Variants in FGF14 observed in about 807,000 individuals in gnomAD.
FGF14 encodes the protein fibroblast growth factor 14, also known as fibroblast growth factor homologous factor 4.
FGF14 carries 5 observed loss-of-function variants against 25.5 expected under a neutral mutation model. The observed-to-expected ratio is 0.20, with a 90% CI of 0.10 to 0.41. FGF14 has a LOEUF of 0.41. Ranked by LOEUF, FGF14 falls within the 10% of genes least tolerant of loss-of-function variation. The probability of loss-of-function intolerance (pLI) is 1.00; values close to 1 mark genes in which losing one functional copy is unlikely to be tolerated. For missense variants in FGF14, 222 were observed against 320.1 expected (o/e 0.69, Z 2.34); for synonymous variants, 138 against 118.3 (o/e 1.17, Z -1.08).
intron 3 of FGF14, among the ~76,000 whole-genome samples, chr13:101,801,281 A>G (rs2040852408): frequency 6.6e-6 from 1 of 152,196 alleles, no homozygotes; most frequent in African/African-American, 2.4e-5. Flanking sequence ...CTGCGTTTGG[A>G]AAATATGATC....
chr13:102,033,494 C>T (rs1222564416), intron 1 of FGF14, among the ~76,000 whole-genome samples: 3 of 142,762 alleles, frequency 2.1e-5, no homozygotes, highest in African/African-American at 9.2e-5. Context: ...CTTGCGTGTG[C>T]ACGCACACAC....
intron 3 of FGF14, chr13:101,801,935 G>A (rs1201114668): frequency 2.2e-6 from 1 of 454,774 alleles, no homozygotes; most frequent in Non-Finnish European, 4.3e-6. Context: ...TGCTCTCTTT[G>A]TGCAGATGTG....
At chr13:102,069,785 C>T (rs959542697) in intron 1 of FGF14, among the ~76,000 whole-genome samples, 1 of 142,280 alleles carries the variant, frequency 7.0e-6, no homozygotes, top group Non-Finnish European at 1.5e-5. Flanking sequence ...CGAGGGTCTG[C>T]GGCTTCATTC....
chr13:102,311,914 C>T (rs2055787671), intron 1 of FGF14, among the ~76,000 whole-genome samples: 2 of 152,312 alleles, frequency 1.3e-5, no homozygotes, highest in Admixed American at 6.5e-5. Flanking sequence ...AAATGAGTAT[C>T]TCAATGTTAC....
intron 3 of FGF14, among the ~76,000 whole-genome samples, chr13:101,863,035 G>T (rs2044504885): frequency 6.6e-6 from 1 of 152,014 alleles, no homozygotes; most frequent in Admixed American, 6.6e-5. Flanking sequence ...ATACATATGA[G>T]AATTATATAT....
At chr13:102,331,805 A>C (rs1594873775) in intron 1 of FGF14, among the ~76,000 whole-genome samples, 1 of 152,200 alleles carries the variant, frequency 6.6e-6, no homozygotes, top group African/African-American at 2.4e-5. Context: ...TTACAATATA[A>C]ATGAGAAAAG....
chr13:102,221,769 C>A (rs2050624156), intron 1 of FGF14, among the ~76,000 whole-genome samples: 1 of 152,108 alleles, frequency 6.6e-6, no homozygotes, highest in Non-Finnish European at 1.5e-5. Flanking sequence ...AAACATTTGT[C>A]AAATTTTTAA....
intron 3 of FGF14, among the ~76,000 whole-genome samples, chr13:101,864,953 TG>T (rs767537558): frequency 2.0e-5 from 3 of 152,118 alleles, no homozygotes; most frequent in Non-Finnish European, 2.9e-5. Context: ...TCATGTAATC[TG>T]ACAGATGAGG....
At chr13:102,218,639 AGCT>A (rs1266341600) in intron 1 of FGF14, among the ~76,000 whole-genome samples, 98 of 152,136 alleles carry the variant, frequency 6.4e-4, no homozygotes, top group African/African-American at 2.3e-3. Context: ...CACCAAATTA[AGCT>A]AGGGTGCCAT....
intron 1 of FGF14, among the ~76,000 whole-genome samples, chr13:102,092,431 A>C (rs1323758429): frequency 6.6e-6 from 1 of 152,158 alleles, no homozygotes; most frequent in Non-Finnish European, 1.5e-5. Flanking sequence ...GTTCAGAATA[A>C]AATAAGGCAG....
Position 101,715,741 on chromosome 13 carries a change from A to G in FGF14, c.*7090T>C. On this transcript the variant is annotated 3_prime_UTR_variant, in exon 5 of 5. Coordinates refer to ENST00000376143, the MANE Select transcript of FGF14 (RefSeq NM_004115.4). ...AAGGAAACCATGTATATTCACCACT[A>G]GGACAGGTTAAAAAGACCATTGTAT... The G allele has an allele frequency of 1.3e-6, 1 of 794,054 alleles. No individual in the cohort carries two copies. The highest frequency in any genetic ancestry group is 1.6e-5 in the South Asian group (1 of 63,554). 49.2% of individuals were successfully genotyped at this position (794,054 alleles called of 1,614,324 possible).
intron 1 of FGF14, among the ~76,000 whole-genome samples, chr13:102,146,927 CT>C (rs2046878609): frequency 6.6e-6 from 1 of 152,102 alleles, no homozygotes; most frequent in Admixed American, 6.6e-5. Context: ...CTGATAGAAA[CT>C]TAGTGATCAA....
chr13:102,020,274 T>A (rs1043568125), intron 1 of FGF14, among the ~76,000 whole-genome samples: 2 of 151,722 alleles, frequency 1.3e-5, no homozygotes, highest in Admixed American at 1.3e-4. Flanking sequence ...AATAGGCGGG[T>A]ATGGTGGCTC....
intron 1 of FGF14, among the ~76,000 whole-genome samples, chr13:101,999,601 C>T (rs2039371688): frequency 6.6e-6 from 1 of 152,108 alleles, no homozygotes; most frequent in Admixed American, 6.5e-5. Context: ...ACCTGAATTC[C>T]ACATTTCTCA....
chr13:102,296,222 G>C (rs541423623), intron 1 of FGF14, among the ~76,000 whole-genome samples: 134 of 152,254 alleles, frequency 8.8e-4, no homozygotes, highest in African/African-American at 3.1e-3. Context: ...GAGTTCTAGA[G>C]ATCTCTTTGT....
At chr13:102,322,761 T>C (rs1162001155) in intron 1 of FGF14, among the ~76,000 whole-genome samples, 1 of 152,086 alleles carries the variant, frequency 6.6e-6, no homozygotes, top group African/African-American at 2.4e-5. Flanking sequence ...GTGTCTAAAT[T>C]ATTCCTAAAA....
At chr13:102,062,660 C>A (rs1464253436) in intron 1 of FGF14, among the ~76,000 whole-genome samples, 1 of 152,056 alleles carries the variant, frequency 6.6e-6, no homozygotes, top group African/African-American at 2.4e-5. Context: ...ATTTCAATTT[C>A]TCCAATTTAT....
chr13:102,306,042 C>A (rs1039982627), intron 1 of FGF14, among the ~76,000 whole-genome samples: 19 of 152,276 alleles, frequency 1.2e-4, no homozygotes, highest in Admixed American at 7.8e-4. Flanking sequence ...GAGGAATATA[C>A]AACTCATTTT....
chr13:101,912,246 C>T (rs2033020372), intron 1 of FGF14, among the ~76,000 whole-genome samples: 1 of 152,060 alleles, frequency 6.6e-6, no homozygotes, highest in Admixed American at 6.5e-5. Context: ...CTTATACATA[C>T]TGTAATTTAT....
Sources: allele counts gnomAD v4.1 joint callset (sites outside exome capture counted in the v4.1 genomes callset), GRCh38; gene constraint gnomAD v4.1.1; transcripts MANE v1.5; gene names NCBI Gene and HGNC (gene_info 2026-07-23, HGNC 2026-07-21).